The following MACROD1 variants were observed in gnomAD, a reference collection of about 807,000 sequenced individuals.
MACROD1 encodes the protein mono-ADP ribosylhydrolase 1, also known as ADP-ribose glycohydrolase MACROD1.
A neutral mutation model predicts 41.4 loss-of-function variants in MACROD1; 31 were observed. The observed-to-expected ratio is 0.75, with a 90% confidence interval of 0.56 to 1.01. The LOEUF is 1.01. Ranked by LOEUF, MACROD1 falls within the 50% of genes least tolerant of loss-of-function variation. MACROD1 has a pLI of 0.00. For synonymous variants in MACROD1, 252 were observed against 203.4 expected (o/e 1.24, Z -2.03); for missense variants, 473 against 460.0 (o/e 1.03, Z -0.26).
chr11:64,030,612 C>T (rs1367623091), intron 3 of MACROD1, among the ~76,000 whole-genome samples: 1 of 152,178 alleles, frequency 6.6e-6, no homozygotes, highest in Non-Finnish European at 1.5e-5. Flanking sequence ...GAGAAAAAAT[C>T]AGCCACACCC....
intron 3 of MACROD1, among the ~76,000 whole-genome samples, chr11:64,110,029 G>C (rs616563): frequency 0.46 from 70,568 of 151,886 alleles, 17,201 homozygotes; most frequent in African/African-American, 0.61. Context: ...CACTCAGGAG[G>C]GGGTACTCTG....
chr11:64,039,152 A>G (rs968578945), intron 3 of MACROD1, among the ~76,000 whole-genome samples: 5 of 152,092 alleles, frequency 3.3e-5, no homozygotes, highest in Admixed American at 2.0e-4. Context: ...GCCCCAGAGC[A>G]AGGGGGAGCT....
At chr11:64,143,788 ACACACACACACAC>A (rs1161192723) in intron 3 of MACROD1, among the ~76,000 whole-genome samples, 124 of 150,692 alleles carry the variant, frequency 8.2e-4, no homozygotes, top group Non-Finnish European at 1.5e-3. Flanking sequence ...ACACACACAC[ACACACACACACAC>A]AATTTCCTGG....
chr11:64,144,317 T>C (rs1369310914), intron 3 of MACROD1, among the ~76,000 whole-genome samples: 5 of 152,118 alleles, frequency 3.3e-5, no homozygotes, highest in Non-Finnish European at 2.9e-5. Context: ...ATGGTTCCTT[T>C]TCCATTCACA....
rs755300747 is a variant in MACROD1 at position 64,151,267 on chromosome 11, C to T, written c.489G>A (p.Lys163=). Reference sequence around the variant, plus strand: ...CGTTGACGATGGCGTCCACCTCCAGCTTGGTGATGTCGCTGCGGAGCAGGG... The same window carrying T: ...CGTTGACGATGGCGTCCACCTCCAGTTTGGTGATGTCGCTGCGGAGCAGGG... ...KISLLRSDIT[K]LEVDAIVNAA... is the part of the protein sequence containing the mutation. Residue 163 remains lysine, a synonymous_variant, in exon 3 of 11, where the codon AAG becomes AAA. Transcript: ENST00000255681. 6.2e-7 allele frequency: 1 copy of T among 1,613,862 alleles called. No individual in the cohort carries two copies. Among genetic ancestry groups the T allele is most frequent in the Non-Finnish European group, 8.5e-7 (1 of 1,180,032 alleles).
chr11:64,063,779 C>A (rs996287400), intron 3 of MACROD1, among the ~76,000 whole-genome samples: 1 of 152,200 alleles, frequency 6.6e-6, no homozygotes. Flanking sequence ...AGCAATCATG[C>A]CTAATAAAGG....
intron 3 of MACROD1, among the ~76,000 whole-genome samples, chr11:64,043,076 T>A (rs1009497149): frequency 1.4e-4 from 21 of 152,180 alleles, no homozygotes; most frequent in African/African-American, 4.6e-4. Context: ...ATCATCTGAG[T>A]ACCCTGGACG....
intron 3 of MACROD1, among the ~76,000 whole-genome samples, chr11:64,041,562 C>T (rs527280381): frequency 2.6e-5 from 4 of 151,498 alleles, no homozygotes; most frequent in South Asian, 4.2e-4. Context: ...GGTGGGGCTT[C>T]GTGTAGGGCA....
At chr11:64,083,137 GTATAA>G (rs1944332530) in intron 3 of MACROD1, 1 of 152,252 alleles carries the variant, frequency 6.6e-6, no homozygotes, top group Non-Finnish European at 1.5e-5. Context: ...GTAAACAGCA[GTATAA>G]TATGTAAATG....
Position 64,090,569 on chromosome 11 carries a change from C to T in MACROD1, c.517+60670G>A, listed in dbSNP as rs866331803. 2.7e-4 allele frequency among the ~76,000 whole-genome samples: 41 copies of T among 152,240 alleles called. No individual in the cohort carries two copies. The highest frequency in any genetic ancestry group is 8.4e-4 in the African/African-American group (35 of 41,566). On this transcript the variant is annotated intron_variant, in intron 3 of 10. Transcript: ENST00000255681. The surrounding 1 kb of genome is among the most constrained non-coding windows in gnomAD (Gnocchi z 4.7). ...CACAGGTGGCTGGGCCAGGAGGCTC[C>T]GGGATGAGGCAGGAAGTGGAGGCTG...
intron 3 of MACROD1, among the ~76,000 whole-genome samples, chr11:64,111,148 C>T (rs562908824): frequency 3.3e-5 from 5 of 152,350 alleles, no homozygotes; most frequent in Admixed American, 2.0e-4. Flanking sequence ...GCTGAGCGGG[C>T]GCTGGGAACA....
At chr11:64,042,909 T>TTCTTCCCAC (rs888574273) in intron 3 of MACROD1, among the ~76,000 whole-genome samples, 1 of 152,192 alleles carries the variant, frequency 6.6e-6, no homozygotes, top group African/African-American at 2.4e-5. Context: ...CTGGTTTATC[T>TTCTTCCCAC]TCTTCCCACT....
intron 3 of MACROD1, among the ~76,000 whole-genome samples, chr11:64,071,862 G>A (rs1944113569): frequency 6.6e-6 from 1 of 152,164 alleles, no homozygotes; most frequent in African/African-American, 2.4e-5. Flanking sequence ...GTGGGCCGTG[G>A]GCAGTAGTGG....
chr11:64,083,351 T>A (rs1056237532), intron 3 of MACROD1, among the ~76,000 whole-genome samples: 2 of 152,096 alleles, frequency 1.3e-5, no homozygotes, highest in African/African-American at 4.8e-5. Context: ...CAGGAGAATC[T>A]CTTGAACCCA....
chr11:64,136,066 G>A (rs1050696547), intron 3 of MACROD1, among the ~76,000 whole-genome samples: 3 of 152,226 alleles, frequency 2.0e-5, no homozygotes, highest in African/African-American at 7.2e-5. Flanking sequence ...AGCCCTCTGG[G>A]GAACAGAAAG....
chr11:64,023,957 T>A (rs1489128177), intron 3 of MACROD1, among the ~76,000 whole-genome samples: 1 of 152,178 alleles, frequency 6.6e-6, no homozygotes, highest in Non-Finnish European at 1.5e-5. Flanking sequence ...TCTGTCTGCC[T>A]GGCTGCCTGG....
chr11:64,069,892 C>T (rs776906699), intron 3 of MACROD1, among the ~76,000 whole-genome samples: 1 of 152,138 alleles, frequency 6.6e-6, no homozygotes, highest in Non-Finnish European at 1.5e-5. Flanking sequence ...TTATCTTGGG[C>T]GCCCCTCCCA....
At chr11:64,114,665 G>GGATA (rs1283299845) in intron 3 of MACROD1, among the ~76,000 whole-genome samples, 14 of 151,576 alleles carry the variant, frequency 9.2e-5, no homozygotes, top group Admixed American at 9.2e-4. Flanking sequence ...ATGGACAGGT[G>GGATA]GATAGATGGA....
At chr11:64,131,900 G>C (rs1410041772) in intron 3 of MACROD1, among the ~76,000 whole-genome samples, 1 of 152,166 alleles carries the variant, frequency 6.6e-6, no homozygotes, top group Non-Finnish European at 1.5e-5. Context: ...AAGCTGAGGA[G>C]GGGGGCAGGG....
Sources: allele counts gnomAD v4.1 joint callset (sites outside exome capture counted in the v4.1 genomes callset), GRCh38; gene constraint gnomAD v4.1.1; non-coding constraint Gnocchi (gnomAD v3.1); transcripts MANE v1.5; gene names NCBI Gene and HGNC (gene_info 2026-07-23, HGNC 2026-07-21).